Variants in SAMSN1 observed in about 807,000 individuals in gnomAD.
SAMSN1 encodes SAM domain-containing protein SAMSN-1.
A neutral mutation model predicts 42.0 loss-of-function variants in SAMSN1; 31 were observed. The observed-to-expected ratio is 0.74, with a 90% CI of 0.55 to 1.00. The LOEUF is 1.00. Among genes scored for constraint, SAMSN1 ranks in the 50% least tolerant of loss-of-function variants. The pLI, the probability that SAMSN1 is intolerant of heterozygous loss-of-function variation, is 0.00. For missense variants in SAMSN1, 464 were observed against 439.4 expected, an observed-to-expected ratio of 1.06 and a Z score of -0.50; for synonymous variants, 178 against 151.9, an observed-to-expected ratio of 1.17 and a Z score of -1.26.
At chr21:14,509,143 AG>A (rs1453201807) in intron 5 of SAMSN1, among the ~76,000 whole-genome samples, 1 of 142,364 alleles carries the variant, frequency 7.0e-6, no homozygotes, top group Non-Finnish European at 1.5e-5. Flanking sequence ...AAAAGAAAAA[AG>A]AAAAGAAAAG....
Position 14,552,380 on chromosome 21 carries a change from G to T in SAMSN1, c.261+29756C>A, listed in dbSNP as rs141883387. 7.6e-3 allele frequency among the ~76,000 whole-genome samples: 1,161 copies of T among 152,166 alleles called. 11 individuals are homozygous for T. Among genetic ancestry groups the T allele is most frequent in the Middle Eastern group, 0.024 (7 of 294 alleles). On this transcript the variant is annotated intron_variant, in intron 2 of 8. Transcript: ENST00000285670. ...AATTCATATGTTGGAATTCTCACCC[G>T]CAAGGTGGAAGGTAATAGTAGGTAG...
At chr21:14,587,934 C>A (rs1464141108), upstream of SAMSN1, among the ~76,000 whole-genome samples, 3 of 113,348 alleles carry the variant, frequency 2.6e-5, no homozygotes, top group East Asian at 8.4e-4. Context: ...GTGTGATATT[C>A]CCCTTCCTGT....
At chr21:14,580,751 A>T (rs1473214959) in intron 2 of SAMSN1, among the ~76,000 whole-genome samples, 2 of 152,232 alleles carry the variant, frequency 1.3e-5, no homozygotes, top group African/African-American at 2.4e-5. Flanking sequence ...TTCCAAGAGA[A>T]AATATGCCTT....
At position 14,546,190 on chromosome 21, in the gene SAMSN1, A is replaced by G. The variant is rs763543070; in HGVS notation, c.57+15T>C. 1.2e-6 allele frequency: 2 copies of G among 1,605,070 alleles called. No individual in the cohort carries two copies. The highest frequency in any genetic ancestry group is 3.3e-5 in the Admixed American group (2 of 59,854). Reference sequence around the variant, plus strand: ...ATAGTTTGATTTTATTTAACTATGTATGAAATCACCTTACCTTTGGTTTTT... The same window carrying G: ...ATAGTTTGATTTTATTTAACTATGTGTGAAATCACCTTACCTTTGGTTTTT... On this transcript the variant is annotated intron_variant, in intron 1 of 7. Coordinates refer to ENST00000400566, the MANE Select transcript of SAMSN1 (RefSeq NM_022136.5).
At chr21:14,501,142 T>TA (rs887154407) in intron 5 of SAMSN1, among the ~76,000 whole-genome samples, 5 of 152,082 alleles carry the variant, frequency 3.3e-5, no homozygotes, top group South Asian at 2.1e-4. Context: ...GATCCTATCT[T>TA]AAAAAAAATT....
At chr21:14,638,174 G>T (rs1983512719) in intron 2 of SAMSN1, among the ~76,000 whole-genome samples, 1 of 152,186 alleles carries the variant, frequency 6.6e-6, no homozygotes, top group East Asian at 1.9e-4. Flanking sequence ...TGTGAAATTT[G>T]GAAAGTGGGA....
intron 7 of SAMSN1, among the ~76,000 whole-genome samples, chr21:14,489,214 A>G (rs1443455215): frequency 6.6e-6 from 1 of 151,206 alleles, no homozygotes; most frequent in Non-Finnish European, 1.5e-5. Flanking sequence ...TGGTTCAATC[A>G]TCTGGGCTAA....
At chr21:14,541,608 G>C (rs546163697) in intron 1 of SAMSN1, among the ~76,000 whole-genome samples, 1 of 152,140 alleles carries the variant, frequency 6.6e-6, no homozygotes, top group Non-Finnish European at 1.5e-5. Flanking sequence ...TCTTCTTCCA[G>C]TGTGGCCCAG....
chr21:14,637,158 A>C (rs1042403185), intron 2 of SAMSN1, among the ~76,000 whole-genome samples: 1 of 152,212 alleles, frequency 6.6e-6, no homozygotes, highest in East Asian at 1.9e-4. Flanking sequence ...TTAGGAAGTG[A>C]ATTTTAATTT....
At chr21:14,609,603 A>G (rs1003398016) in intron 4 of SAMSN1, 1 of 717,436 alleles carries the variant, frequency 1.4e-6, no homozygotes, top group East Asian at 2.7e-5. Context: ...AGCAGAATTC[A>G]TAGTAACATT....
At chr21:14,556,734 A>G (rs1488247627) in intron 2 of SAMSN1, among the ~76,000 whole-genome samples, 2 of 152,174 alleles carry the variant, frequency 1.3e-5, no homozygotes, top group African/African-American at 4.8e-5. Context: ...AAGCATCTGC[A>G]TGTGTTATTT....
intron 1 of SAMSN1, among the ~76,000 whole-genome samples, chr21:14,527,823 C>T (rs1978972669): frequency 6.7e-6 from 1 of 149,474 alleles, no homozygotes; most frequent in African/African-American, 2.5e-5. Flanking sequence ...GTTATTCATA[C>T]CAGCTTATTT....
chr21:14,592,644 GA>G, intron 7 of SAMSN1: 1 of 383,274 alleles, frequency 2.6e-6, no homozygotes, highest in Non-Finnish European at 5.6e-6. Flanking sequence ...TTGAGCCTTA[GA>G]AAAATATCAA....
At chr21:14,521,120 A>T in intron 2 of SAMSN1, 30 bp downstream of exon 2, 2 of 1,358,278 alleles carry the variant, frequency 1.5e-6, no homozygotes, top group Non-Finnish European at 1.0e-6. Flanking sequence ...TGTTTGCATA[A>T]CATTCATAAA....
At chr21:14,648,594 C>A (rs1344130721) in intron 1 of SAMSN1, among the ~76,000 whole-genome samples, 1 of 151,968 alleles carries the variant, frequency 6.6e-6, no homozygotes, top group Non-Finnish European at 1.5e-5. Context: ...ACAACCCCAT[C>A]AAAAAGTGGG....
chr21:14,658,325 C>A (rs1983947871), intron 1 of SAMSN1, among the ~76,000 whole-genome samples: 1 of 151,764 alleles, frequency 6.6e-6, no homozygotes, highest in African/African-American at 2.4e-5. Context: ...TTTAACCAAG[C>A]CAGCATTGAA....
intron 1 of SAMSN1, among the ~76,000 whole-genome samples, chr21:14,646,409 G>A (rs140915221): frequency 2.2e-4 from 34 of 152,236 alleles, no homozygotes; most frequent in African/African-American, 8.2e-4. Context: ...CCAGAATAAT[G>A]TATCTGGTGA....
intron 5 of SAMSN1, chr21:14,602,186 A>T (rs372791521): frequency 4.7e-6 from 2 of 428,336 alleles, no homozygotes; most frequent in South Asian, 1.1e-4. Context: ...TCATGTTTTT[A>T]TTTAGTCTGT....
At chr21:14,637,853 C>A (rs1983503825) in intron 2 of SAMSN1, among the ~76,000 whole-genome samples, 1 of 152,144 alleles carries the variant, frequency 6.6e-6, no homozygotes, top group African/African-American at 2.4e-5. Flanking sequence ...TCTCTAGAGA[C>A]AAAAGATAGC....
Sources: gnomAD v4.1 joint callset for allele counts (sites outside exome capture counted in the v4.1 genomes callset) on GRCh38, gnomAD v4.1.1 for gene constraint, MANE v1.5 for transcripts, NCBI Gene and HGNC (gene_info 2026-07-23, HGNC 2026-07-21) for gene names.